Variants in ANKRD13C observed in about 807,000 individuals in gnomAD.
The protein encoded by ANKRD13C is ankyrin repeat domain-containing protein 13C.
A neutral mutation model predicts 65.5 loss-of-function variants in ANKRD13C; 16 were observed. That is an observed-to-expected ratio of 0.24 (90% CI 0.17 to 0.37). The LOEUF is 0.37. ANKRD13C is among the 10% of genes least tolerant of loss of function. ANKRD13C has a pLI of 1.00. For missense variants in ANKRD13C, 503 were observed against 655.9 expected (o/e 0.77, Z 2.55); for synonymous variants, 235 against 238.7 (o/e 0.98, Z 0.14).
intron 3 of ANKRD13C, among the ~76,000 whole-genome samples, chr1:70,319,071 A>G (rs1681195128): frequency 6.6e-6 from 1 of 152,150 alleles, no homozygotes; most frequent in Admixed American, 6.5e-5. Context: ...TGTTCCAAAA[A>G]TGTTTTGTTC....
chr1:70,321,345 T>C (rs1197768205), intron 3 of ANKRD13C, among the ~76,000 whole-genome samples: 5 of 152,182 alleles, frequency 3.3e-5, no homozygotes, highest in South Asian at 2.1e-4. Context: ...ACTCTAGAAG[T>C]TGAGAAAAGC....
At chr1:70,330,039 G>A (rs892620826) in intron 2 of ANKRD13C, among the ~76,000 whole-genome samples, 20 of 149,668 alleles carry the variant, frequency 1.3e-4, no homozygotes, top group South Asian at 4.3e-4. Context: ...GCAGTGAGCC[G>A]AGATGCACCA....
chr1:70,290,971 A>T (rs1679839907), intron 9 of ANKRD13C, among the ~76,000 whole-genome samples: 1 of 152,132 alleles, frequency 6.6e-6, no homozygotes, highest in African/African-American at 2.4e-5. Flanking sequence ...CTACTAAAGG[A>T]TCCCTATATT....
intron 2 of ANKRD13C, among the ~76,000 whole-genome samples, chr1:70,325,532 A>G (rs1319370675): frequency 6.6e-6 from 1 of 152,256 alleles, no homozygotes. Flanking sequence ...TAATCAAAAG[A>G]AGTCTAAGGT....
intron 2 of ANKRD13C, among the ~76,000 whole-genome samples, chr1:70,325,903 A>G (rs1681516514): frequency 6.6e-6 from 1 of 151,604 alleles, no homozygotes; most frequent in South Asian, 2.1e-4. Context: ...TAAAAATTAA[A>G]AAATAAAAAG....
intron 1 of ANKRD13C, among the ~76,000 whole-genome samples, chr1:70,352,096 C>A (rs1682764358): frequency 6.6e-6 from 1 of 151,908 alleles, no homozygotes; most frequent in Non-Finnish European, 1.5e-5. Context: ...TCCCAGCACT[C>A]TGGGAGGCCG....
chr1:70,330,574 C>CAAAAAAAAAAAAAAAAAAAAAAAAAAAAA (rs71071394), intron 2 of ANKRD13C, among the ~76,000 whole-genome samples: 2 of 68,396 alleles, frequency 2.9e-5, no homozygotes, highest in Non-Finnish European at 5.6e-5. Flanking sequence ...ACAAACAAAC[C>CAAAAAAAAAAAAAAAAAAAAAAAAAAAAA]AAAAAAAAAA....
At chr1:70,335,975 CAA>C (rs1682007168) in intron 2 of ANKRD13C, 81 bp downstream of exon 2, 3 of 416,608 alleles carry the variant, frequency 7.2e-6, no homozygotes, top group Non-Finnish European at 1.2e-5. Flanking sequence ...TTTAAAAACT[CAA>C]AAGACAAAAC....
At chr1:70,316,518 A>T (rs1208480103) in intron 3 of ANKRD13C, among the ~76,000 whole-genome samples, 1 of 146,712 alleles carries the variant, frequency 6.8e-6, no homozygotes, top group Non-Finnish European at 1.5e-5. Flanking sequence ...CCCCATCTCT[A>T]TTAAAAAAAA....
Position 70,300,761 on chromosome 1 carries a change from C to T in ANKRD13C, c.921+3G>A, listed in dbSNP as rs547951091. 8 of 1,590,464 alleles carry T rather than the reference C, an allele frequency of 5.0e-6. No homozygotes were observed. In the Admixed American group the frequency reaches 1.1e-4, roughly 22 times the overall value. On this transcript the variant is annotated splice_donor_region_variant and intron_variant, in intron 7 of 12. Coordinates refer to ENST00000370944, the MANE Select transcript of ANKRD13C (RefSeq NM_030816.5). ...AGGAATATTGATAAGACAACATGCT[C>T]ACCTCATGATGTATTCGCTGATAAA... is the stretch of plus-strand genomic sequence containing the variant.
At chr1:70,325,003 G>A (rs1681469024) in intron 2 of ANKRD13C, 46 bp from the exon 3 acceptor site, 4 of 1,331,976 alleles carry the variant, frequency 3.0e-6, no homozygotes, top group Non-Finnish European at 4.2e-6. Flanking sequence ...GCAATTTTTA[G>A]AATCTCTAAA....
intron 9 of ANKRD13C, among the ~76,000 whole-genome samples, chr1:70,286,899 T>C (rs1679646995): frequency 6.6e-6 from 1 of 152,086 alleles, no homozygotes; most frequent in Non-Finnish European, 1.5e-5. Context: ...GGCGGGAGAA[T>C]TGCTTGAACA....
intron 9 of ANKRD13C, among the ~76,000 whole-genome samples, chr1:70,287,993 C>G (rs542993497): frequency 2.7e-4 from 41 of 152,264 alleles, no homozygotes; most frequent in South Asian, 1.2e-3. Flanking sequence ...CACTCCTGGT[C>G]TGACCAAAAC....
intron 2 of ANKRD13C, among the ~76,000 whole-genome samples, chr1:70,327,082 T>C (rs924255634): frequency 6.6e-6 from 1 of 152,122 alleles, no homozygotes; most frequent in South Asian, 2.1e-4. Context: ...ATGCTGGGAA[T>C]AGGATATTCA....
chr1:70,292,387 C>T lies in ANKRD13C; in HGVS notation c.1215+1G>A. On this transcript the variant is annotated splice_donor_variant, in intron 9 of 12. Transcript: ENST00000370944. LOFTEE classifies it high-confidence loss of function. ...CAAATTAGAAGAATTAAAAATTATA[C>T]CTCAAAATTCTGTTCCATTATGTTT... is the stretch of plus-strand genomic sequence containing the variant. 2 of 1,556,360 alleles carry T rather than the reference C, an allele frequency of 1.3e-6. No homozygotes were observed. The highest frequency in any genetic ancestry group is 2.2e-5 in the Admixed American group (1 of 45,082).
At chr1:70,309,187 C>A (rs957643139) in intron 5 of ANKRD13C, among the ~76,000 whole-genome samples, 1 of 151,802 alleles carries the variant, frequency 6.6e-6, no homozygotes, top group Non-Finnish European at 1.5e-5. Context: ...ATTCTCCAGC[C>A]TCAGCCTCCT....
chr1:70,334,736 C>G lies in ANKRD13C; in HGVS notation c.472+1322G>C, dbSNP rs564327073. Among the ~76,000 whole-genome samples, 8 of 151,960 alleles carry G rather than the reference C, an allele frequency of 5.3e-5. No individual in the cohort carries two copies. In the South Asian group the frequency reaches 1.2e-3, roughly 24 times the overall value. On this transcript the variant is annotated intron_variant, in intron 2 of 12. Transcript: ENST00000370944. ...GGTCGGGGGTTCGAGATCGGCCTGA[C>G]CAACATGGAAAAATCCCATCTCTAC...
chr1:70,344,663 T>C (rs1049886484), intron 1 of ANKRD13C, among the ~76,000 whole-genome samples: 1 of 152,116 alleles, frequency 6.6e-6, no homozygotes, highest in Non-Finnish European at 1.5e-5. Flanking sequence ...CAAAATTACA[T>C]ACCTAGAAAC....
intron 3 of ANKRD13C, among the ~76,000 whole-genome samples, chr1:70,318,679 G>GTTTTTTTTTTTTTTTTTTTTTTTTTTTT (rs11337993): frequency 1.1e-5 from 1 of 94,210 alleles, no homozygotes. Flanking sequence ...ATCAATCTTT[G>GTTTTTTTTTTTTTTTTTTTTTTTTTTTT]TTTTTTTTTT....
Sources: gnomAD v4.1 joint callset for allele counts (sites outside exome capture counted in the v4.1 genomes callset) on GRCh38, gnomAD v4.1.1 for gene constraint, MANE v1.5 for transcripts, NCBI Gene and HGNC (gene_info 2026-07-23, HGNC 2026-07-21) for gene names.